The following UTP4 variants were observed in gnomAD, a reference collection of about 807,000 sequenced individuals.
UTP4 encodes UTP4 small subunit processome component.
In UTP4, 45 loss-of-function variants were observed where a neutral mutation model predicts 82.4. The ratio of observed to expected loss-of-function variants is 0.55; its 90% confidence interval spans 0.43 to 0.70. The LOEUF is 0.70. Among genes scored for constraint, UTP4 ranks in the 30% least tolerant of loss-of-function variants. UTP4 has a pLI of 0.00. For missense variants in UTP4, 819 were observed against 858.3 expected, an observed-to-expected ratio of 0.95 and a Z score of 0.57; for synonymous variants, 348 against 300.3, an observed-to-expected ratio of 1.16 and a Z score of -1.64.
In UTP4 at chr16:69,150,678, G is replaced by A. The variant is rs1287419227; in HGVS notation, c.880G>A (p.Ala294Thr). ...QHHTHDVRTV[A>T]HSPTALISGG... ...TCACACTCATGACGTGCGCACTGTG[G>A]CCCACAGCCCAACAGCGCTGATATC... Residue 294 changes from alanine (A) to threonine (T), a missense_variant, in exon 7 of 17, where the codon GCC becomes ACC. Coordinates refer to ENST00000314423, the MANE Select transcript of UTP4 (RefSeq NM_032830.3). The A allele has an allele frequency of 5.0e-6, 8 of 1,614,072 alleles. No individual in the cohort carries two copies. The highest frequency in any genetic ancestry group is 6.8e-6 in the Non-Finnish European group (8 of 1,180,038).
intron 6 of UTP4, among the ~76,000 whole-genome samples, chr16:69,145,316 A>G (rs1328761340): frequency 6.6e-6 from 1 of 151,838 alleles, no homozygotes. Flanking sequence ...GCTGGAGTGC[A>G]GTGGTGCAGT....
chr16:69,165,051 C>T (rs909168068), intron 14 of UTP4, among the ~76,000 whole-genome samples: 5 of 151,984 alleles, frequency 3.3e-5, no homozygotes, highest in South Asian at 4.2e-4. Context: ...AAAAATTAGC[C>T]GGGCGTACTC....
intron 12 of UTP4, among the ~76,000 whole-genome samples, chr16:69,159,456 G>A (rs528887993): frequency 2.6e-5 from 4 of 152,126 alleles, no homozygotes; most frequent in African/African-American, 7.2e-5. Context: ...TTTGGAGGCC[G>A]AGGTGGGCAG....
intron 2 of UTP4, among the ~76,000 whole-genome samples, chr16:69,134,780 G>A (rs1034123993): frequency 7.1e-6 from 1 of 140,720 alleles, no homozygotes; most frequent in African/African-American, 2.7e-5. Context: ...TTGGCTCACT[G>A]CAACCTCTGC....
intron 4 of UTP4, chr16:69,139,261 C>A (rs897358475): frequency 1.3e-5 from 2 of 152,022 alleles, no homozygotes; most frequent in Non-Finnish European, 2.9e-5. Flanking sequence ...GCAACTGCAC[C>A]CGGCCTGGGT....
chr16:69,161,976 T>A (rs1404638657), intron 13 of UTP4, among the ~76,000 whole-genome samples: 3 of 147,572 alleles, frequency 2.0e-5, no homozygotes, highest in Non-Finnish European at 4.5e-5. Context: ...AGGCCTTTTG[T>A]TTTTTTTTTG....
At chr16:69,142,304 GTATTGGCCTGGCTATCAGCATTC>G (rs1412881422) in intron 5 of UTP4, 1 of 152,624 alleles carries the variant, frequency 6.6e-6, no homozygotes, top group Non-Finnish European at 1.5e-5. Context: ...TGCCTGGTGA[GTATTGGCCTGGCTATCAGCATTC>G]TAAGGGGAAA....
At chr16:69,134,392 C>T (rs1041842196) in intron 2 of UTP4, among the ~76,000 whole-genome samples, 2 of 151,836 alleles carry the variant, frequency 1.3e-5, no homozygotes, top group Admixed American at 6.6e-5. Flanking sequence ...CCTAACTTTA[C>T]GGAGCTCAAA....
intron 6 of UTP4, among the ~76,000 whole-genome samples, chr16:69,146,290 C>G (rs1470427683): frequency 6.6e-6 from 1 of 152,138 alleles, no homozygotes; most frequent in Non-Finnish European, 1.5e-5. Flanking sequence ...CAAACAGAAA[C>G]CTGTACTCAT....
At chr16:69,162,262 C>T (rs528665219) in intron 13 of UTP4, among the ~76,000 whole-genome samples, 10 of 151,846 alleles carry the variant, frequency 6.6e-5, no homozygotes, top group East Asian at 2.0e-4. Context: ...CCACTGCGCC[C>T]GGCCAACCAA....
At chr16:69,164,589 TA>T (rs1963649901) in intron 14 of UTP4, among the ~76,000 whole-genome samples, 1 of 57,818 alleles carries the variant, frequency 1.7e-5, no homozygotes, top group African/African-American at 8.5e-5. Flanking sequence ...TCATTCTTTA[TA>T]TATATATATA....
At position 69,163,085 on chromosome 16, in the gene UTP4, T is replaced by G; in HGVS notation, c.1554T>G (p.Leu518=). The change falls in exon 14 of 17, where the codon CTT becomes CTG. Residue 518 remains leucine (L), a splice_region_variant and synonymous_variant. Transcript: ENST00000314423. ...TTGTGTCTGTTATTTGTTCCCAGCTTCACTGCACGGTGCCTGCTTACAATT... is the reference window on the plus strand; with the variant it reads ...TTGTGTCTGTTATTTGTTCCCAGCTGCACTGCACGGTGCCTGCTTACAATT... The part of the protein sequence containing the change: ...VHVYNVKQLK[L]HCTVPAYNFP... 1.2e-6 allele frequency: 2 copies of G among 1,613,546 alleles called. No individual in the cohort carries two copies. Among genetic ancestry groups the G allele is most frequent in the South Asian group, 2.2e-5 (2 of 91,070 alleles).
chr16:69,166,814 AC>A (rs1187307196), intron 15 of UTP4: 8 of 494,488 alleles, frequency 1.6e-5, no homozygotes, highest in Admixed American at 3.5e-5. Context: ...TGCCTCATAC[AC>A]CCACCCTCTA....
chr16:69,139,355 T>C (rs1381517401), intron 4 of UTP4, among the ~76,000 whole-genome samples: 2 of 151,990 alleles, frequency 1.3e-5, no homozygotes, highest in African/African-American at 2.4e-5. Context: ...AATAGGTGTC[T>C]CAGCTGGGCA....
intron 6 of UTP4, among the ~76,000 whole-genome samples, chr16:69,150,325 AT>A (rs1963227022): frequency 1.3e-5 from 2 of 152,078 alleles, no homozygotes; most frequent in African/African-American, 4.8e-5. Flanking sequence ...GTAGACGTTA[AT>A]TTTGTCAGTA....
chr16:69,149,643 C>G lies in UTP4; in HGVS notation c.739-894C>G, dbSNP rs202172471. ...TCTGGGCTCAAGTGATCCTCCTACC[C>G]AGTCTCCTGAGTAGCTGGGACTACA... On this transcript the variant is annotated intron_variant, in intron 6 of 16. Transcript: ENST00000314423. 7.2e-5 allele frequency among the ~76,000 whole-genome samples: 11 copies of G among 152,256 alleles called. No individual in the cohort carries two copies. The East Asian group carries it at 2.1e-3, about 29-fold the overall frequency.
chr16:69,166,135 C>G (rs1413708786), intron 15 of UTP4: 1 of 170,830 alleles, frequency 5.9e-6, no homozygotes, highest in Non-Finnish European at 1.3e-5. Context: ...TTGATTCACC[C>G]TGAATTTGTA....
intron 8 of UTP4, among the ~76,000 whole-genome samples, chr16:69,152,464 C>CTTTTTTTTTTTT (rs58914042): frequency 9.3e-6 from 1 of 107,150 alleles, no homozygotes; most frequent in African/African-American, 3.4e-5. Context: ...TTCTGTTTTT[C>CTTTTTTTTTTTT]TTTTTTTTTT....
At chr16:69,156,943 A>G in intron 11 of UTP4, 141 bp from the exon 12 acceptor site, 1 of 786,890 alleles carries the variant, frequency 1.3e-6, no homozygotes, top group African/African-American at 1.7e-5. Flanking sequence ...ATTACTGGAG[A>G]GAAACCAGTG....
Sources: gnomAD v4.1 joint callset for allele counts (sites outside exome capture counted in the v4.1 genomes callset) on GRCh38, gnomAD v4.1.1 for gene constraint, MANE v1.5 for transcripts, NCBI Gene and HGNC (gene_info 2026-07-23, HGNC 2026-07-21) for gene names.